Variants in ATRNL1 observed in about 807,000 individuals in gnomAD.
ATRNL1 encodes the protein attractin-like protein 1.
Under a neutral mutation model 182.7 loss-of-function variants are expected in ATRNL1, and 95 were observed. The ratio of observed to expected loss-of-function variants is 0.52; its 90% CI spans 0.44 to 0.62. The LOEUF (loss-of-function observed/expected upper bound fraction) is 0.62. Among genes scored for constraint, ATRNL1 ranks in the 20% least tolerant of loss-of-function variants. The pLI is 0.00. For missense variants in ATRNL1, 1,471 were observed against 1,679.5 expected, an observed-to-expected ratio of 0.88 and a Z score of 2.17; for synonymous variants, 576 against 568.3, an observed-to-expected ratio of 1.01 and a Z score of -0.19.
chr10:115,658,645 C>A (rs1233298772), intron 26 of ATRNL1, among the ~76,000 whole-genome samples: 1 of 152,000 alleles, frequency 6.6e-6, no homozygotes, highest in African/African-American at 2.4e-5. Context: ...GTTCAGGCAC[C>A]AGCTTGGAGT....
Position 115,358,809 on chromosome 10 carries a change from C to T in ATRNL1, c.3175+24390C>T, listed in dbSNP as rs1012453058. ...TTTGACTCTCACATGCAACTAGTGG[C>T]CAGCTCTTATCCATTTTAAGGCCAT... On this transcript the variant is annotated intron_variant, in intron 19 of 28. Transcript: ENST00000355044. 2.6e-5 allele frequency among the ~76,000 whole-genome samples: 4 copies of T among 151,526 alleles called. No homozygotes were observed. In the East Asian group the frequency reaches 7.7e-4, roughly 29 times the overall value.
intron 26 of ATRNL1, among the ~76,000 whole-genome samples, chr10:115,659,432 G>A (rs1555037066): frequency 2.0e-5 from 3 of 151,812 alleles, no homozygotes. Context: ...ACATAATTCA[G>A]CATATATTTA....
intron 26 of ATRNL1, among the ~76,000 whole-genome samples, chr10:115,696,732 G>T (rs1555049890): frequency 3.3e-5 from 5 of 152,024 alleles, no homozygotes; most frequent in Non-Finnish European, 7.4e-5. Flanking sequence ...CTGCTATAAA[G>T]AACTACTTGA....
chr10:115,831,336 T>C (rs1396148949), intron 27 of ATRNL1, among the ~76,000 whole-genome samples: 5 of 152,138 alleles, frequency 3.3e-5, no homozygotes, highest in Non-Finnish European at 2.9e-5. Flanking sequence ...TCTTTCATAT[T>C]TGCAAGAGTG....
intron 25 of ATRNL1, among the ~76,000 whole-genome samples, chr10:115,545,998 A>T (rs1852630763): frequency 6.6e-6 from 1 of 152,222 alleles, no homozygotes; most frequent in Non-Finnish European, 1.5e-5. Context: ...AAATGAACAC[A>T]TGACAGTATG....
rs558182835 is a variant in ATRNL1, at chr10:115,643,720, A to C, written c.3796-83528A>C. The stretch of plus-strand genomic sequence containing the variant: ...ATATCATTAGTCTTAGACAAATACA[A>C]ATTAAGAATGCAGTATGACACCACT... On this transcript the variant is annotated intron_variant, in intron 26 of 28. Transcript: ENST00000355044. Among the ~76,000 whole-genome samples, 11 of 152,252 alleles carry C rather than the reference A, an allele frequency of 7.2e-5. No individual in the cohort carries two copies. In the South Asian group the frequency reaches 1.9e-3, roughly 26 times the overall value.
chr10:115,672,049 G>A (rs150504311), intron 26 of ATRNL1, among the ~76,000 whole-genome samples: 30 of 151,846 alleles, frequency 2.0e-4, no homozygotes, highest in Non-Finnish European at 4.0e-4. Context: ...TTTTGGTCAC[G>A]ACCTCTAAAC....
chr10:115,714,671 G>C (rs1003021161), intron 26 of ATRNL1, among the ~76,000 whole-genome samples: 5 of 152,094 alleles, frequency 3.3e-5, no homozygotes, highest in African/African-American at 1.2e-4. Flanking sequence ...ATTCATTATT[G>C]ATTGCTATGT....
At chr10:115,819,497 C>T (rs1198598141) in intron 27 of ATRNL1, among the ~76,000 whole-genome samples, 2 of 151,942 alleles carry the variant, frequency 1.3e-5, no homozygotes, top group Non-Finnish European at 2.9e-5. Flanking sequence ...TCTTCCTCAC[C>T]GCTAGCATGA....
chr10:115,261,931 A>T (rs1215031389), intron 10 of ATRNL1, among the ~76,000 whole-genome samples: 1 of 152,120 alleles, frequency 6.6e-6, no homozygotes. Flanking sequence ...TATAATATAA[A>T]TGTATAGAGA....
chr10:115,910,393 G>A (rs543550222), intron 28 of ATRNL1, among the ~76,000 whole-genome samples: 1 of 152,142 alleles, frequency 6.6e-6, no homozygotes, highest in East Asian at 1.9e-4. Flanking sequence ...TCCCCATCGG[G>A]GAGAAGCCTT....
intron 21 of ATRNL1, among the ~76,000 whole-genome samples, chr10:115,436,441 T>A (rs1381462311): frequency 6.6e-6 from 1 of 152,104 alleles, no homozygotes; most frequent in Non-Finnish European, 1.5e-5. Flanking sequence ...CAATTAGTAG[T>A]TTTCAGAGTT....
chr10:115,487,206 A>C (rs538817480), intron 24 of ATRNL1, among the ~76,000 whole-genome samples: 16 of 152,156 alleles, frequency 1.1e-4, no homozygotes, highest in African/African-American at 3.9e-4. Flanking sequence ...GCTTAGGACT[A>C]TCTGGGATAT....
At position 115,150,742 on chromosome 10, in the gene ATRNL1, A is replaced by G. The variant is rs11197086; in HGVS notation, c.830-9298A>G. 5.7e-4 allele frequency among the ~76,000 whole-genome samples: 87 copies of G among 152,084 alleles called. 1 individual carries two copies. The East Asian group carries it at 0.016, about 27-fold the overall frequency. ...TTTTTTGAAGTTTTTTTATTATTAT[A>G]CTTTAAGTTCTAGGACACATGTGTA... On this transcript the variant is annotated intron_variant, in intron 5 of 28. Transcript: ENST00000355044.
chr10:115,870,834 C>A (rs1330630379), intron 28 of ATRNL1, among the ~76,000 whole-genome samples: 1 of 152,104 alleles, frequency 6.6e-6, no homozygotes, highest in African/African-American at 2.4e-5. Flanking sequence ...CCTTAGTTTT[C>A]TCATCATAAT....
At chr10:115,457,946 C>G (rs1847609039) in intron 21 of ATRNL1, among the ~76,000 whole-genome samples, 1 of 152,008 alleles carries the variant, frequency 6.6e-6, no homozygotes. Flanking sequence ...CTTGATCATA[C>G]TTATTCTTCA....
chr10:115,217,343 C>T (rs1849274582), intron 9 of ATRNL1, among the ~76,000 whole-genome samples: 1 of 152,266 alleles, frequency 6.6e-6, no homozygotes, highest in South Asian at 2.1e-4. Flanking sequence ...CCACCTTGAC[C>T]TCCCAAAGTG....
chr10:115,155,036 T>C (rs1411264855), intron 5 of ATRNL1, among the ~76,000 whole-genome samples: 2 of 152,198 alleles, frequency 1.3e-5, no homozygotes, highest in African/African-American at 4.8e-5. Flanking sequence ...GCTGAATTGA[T>C]CCCTCTATCA....
chr10:115,429,915 A>C (rs1306218841), intron 21 of ATRNL1, among the ~76,000 whole-genome samples: 8 of 151,912 alleles, frequency 5.3e-5, no homozygotes, highest in Non-Finnish European at 1.2e-4. Context: ...AAAATACAAA[A>C]ACAAAATTAG....
Sources: gnomAD v4.1 joint callset for allele counts (sites outside exome capture counted in the v4.1 genomes callset) on GRCh38, gnomAD v4.1.1 for gene constraint, MANE v1.5 for transcripts, NCBI Gene and HGNC (gene_info 2026-07-23, HGNC 2026-07-21) for gene names.